Variants in FCHSD2 observed in about 807,000 individuals in gnomAD.
FCHSD2 encodes F-BAR and double SH3 domains protein 2.
Under a neutral mutation model 108.1 loss-of-function variants are expected in FCHSD2, and 38 were observed. The observed-to-expected ratio is 0.35, with a 90% CI of 0.27 to 0.46. The LOEUF (loss-of-function observed/expected upper bound fraction) is 0.46, where lower values mean the gene tolerates loss of function less well. Ranked by LOEUF, FCHSD2 falls within the 20% of genes least tolerant of loss-of-function variation. FCHSD2 has a pLI of 1.00. For missense variants in FCHSD2, 751 were observed against 897.8 expected (o/e 0.84, Z 2.09); for synonymous variants, 279 against 314.7 (o/e 0.89, Z 1.20).
intron 11 of FCHSD2, among the ~76,000 whole-genome samples, chr11:72,888,277 TG>T (rs1855240240): frequency 6.6e-6 from 1 of 152,144 alleles, no homozygotes; most frequent in Admixed American, 6.5e-5. Context: ...TTTTAAGACA[TG>T]GAATTGTTAA....
chr11:72,877,320 CCTTCAGGCCAG>C (rs1854991378), intron 12 of FCHSD2, among the ~76,000 whole-genome samples: 1 of 152,106 alleles, frequency 6.6e-6, no homozygotes, highest in Middle Eastern at 3.2e-3. Context: ...AGGACATCCA[CCTTCAGGCCAG>C]TAAGATGGAG....
intron 2 of FCHSD2, among the ~76,000 whole-genome samples, chr11:73,135,706 C>T (rs981738350): frequency 2.0e-5 from 3 of 152,182 alleles, no homozygotes; most frequent in African/African-American, 7.2e-5. Context: ...CCCTGATTAA[C>T]AACAAATTAG....
At chr11:73,049,479 C>T (rs1368687990) in intron 3 of FCHSD2, among the ~76,000 whole-genome samples, 1 of 137,944 alleles carries the variant, frequency 7.2e-6, no homozygotes, top group Admixed American at 8.4e-5. Context: ...ATGTAGACTA[C>T]TAGAAAGAGA....
chr11:72,869,647 G>A (rs555929156), intron 12 of FCHSD2: 2 of 152,246 alleles, frequency 1.3e-5, no homozygotes, highest in South Asian at 4.2e-4. Context: ...GCTGAAGTGA[G>A]CACATACTTG....
In FCHSD2 at chr11:73,141,920, A is replaced by C. The variant is rs1420048354; in HGVS notation, c.-43T>G. 1 of 1,538,328 alleles carries C rather than the reference A, an allele frequency of 6.5e-7. No individual in the cohort carries two copies. The highest frequency in any genetic ancestry group is 1.4e-5 in the African/African-American group (1 of 72,778). ...AATCCTCCCCGACGGCAGCGTTAGCAAGGACCAGGAGGAGGAGGAGGGCCG... is the reference window on the plus strand; with the variant it reads ...AATCCTCCCCGACGGCAGCGTTAGCCAGGACCAGGAGGAGGAGGAGGGCCG... On this transcript the variant is annotated 5_prime_UTR_variant, in exon 1 of 20. Transcript: ENST00000409418.
intron 12 of FCHSD2, among the ~76,000 whole-genome samples, chr11:72,887,056 G>A (rs543534344): frequency 3.6e-4 from 54 of 151,532 alleles, no homozygotes; most frequent in African/African-American, 1.3e-3. Context: ...CCATATGGGG[G>A]AGATTTCCTA....
chr11:73,134,341 A>G (rs1307308580), intron 2 of FCHSD2, among the ~76,000 whole-genome samples: 1 of 151,942 alleles, frequency 6.6e-6, no homozygotes, highest in Non-Finnish European at 1.5e-5. Flanking sequence ...ATGGTGGTGC[A>G]TGCCTGTGGT....
intron 14 of FCHSD2, among the ~76,000 whole-genome samples, chr11:72,845,494 AT>A (rs1163400796): frequency 2.0e-5 from 3 of 151,688 alleles, no homozygotes; most frequent in Admixed American, 2.0e-4. Flanking sequence ...ATGGAGGTCC[AT>A]GCAAGTTTTT....
chr11:72,898,600 T>A lies in FCHSD2; in HGVS notation c.924+3943A>T, dbSNP rs564369591. Among the ~76,000 whole-genome samples, 19 of 152,334 alleles carry A rather than the reference T, an allele frequency of 1.2e-4. No homozygotes were observed. The South Asian group carries it at 3.9e-3, about 32-fold the overall frequency. ...ATATATAAAACTCAAAAATAACACC[T>A]GGTTGCATCCCACTTTCATCATCAA... On this transcript the variant is annotated intron_variant, in intron 10 of 19. Transcript: ENST00000409418.
Position 73,127,576 on chromosome 11 carries a change from G to A in FCHSD2, c.119+12455C>T, listed in dbSNP as rs1860888282. On this transcript the variant is annotated intron_variant, in intron 2 of 19. Transcript: ENST00000409418. ...ATACCAACAACATAGAATGGCATCT[G>A]TGGGGCTCAAATGAACATCTGGAGA... Among the ~76,000 whole-genome samples the A allele has an allele frequency of 1.3e-5, 2 of 152,176 alleles. 1 individual carries two copies. The highest frequency in any genetic ancestry group is 4.1e-4 in the South Asian group (2 of 4,832).
chr11:72,880,229 C>T (rs1160037750), intron 12 of FCHSD2, among the ~76,000 whole-genome samples: 1 of 151,894 alleles, frequency 6.6e-6, no homozygotes, highest in African/African-American at 2.4e-5. Flanking sequence ...TGTGCAATTG[C>T]TATCAAAATC....
intron 9 of FCHSD2, among the ~76,000 whole-genome samples, chr11:72,906,921 C>A (rs140145919): frequency 0.013 from 2,000 of 152,198 alleles, 43 homozygotes; most frequent in African/African-American, 0.046. Context: ...TTTTTCGGTT[C>A]CATATGAACT....
chr11:72,875,895 C>T (rs1326439749), intron 12 of FCHSD2, among the ~76,000 whole-genome samples: 5 of 152,174 alleles, frequency 3.3e-5, no homozygotes, highest in Non-Finnish European at 7.3e-5. Flanking sequence ...TGGGGAAGTC[C>T]AGTTTAACCT....
In FCHSD2 at chr11:73,141,880, T is replaced by A; in HGVS notation, c.-3A>T. The A allele has an allele frequency of 6.5e-7, 1 of 1,545,078 alleles. No homozygotes were observed. Among genetic ancestry groups the A allele is most frequent in the Non-Finnish European group, 8.7e-7 (1 of 1,145,988 alleles). The stretch of plus-strand genomic sequence containing the variant: ...ACCTTCCTCGGCGGCGGCTGCATGA[T>A]GCTGAAGGGACATCAATCCTCCCCG... On this transcript the variant is annotated 5_prime_UTR_variant, in exon 1 of 20. Transcript: ENST00000409418.
intron 8 of FCHSD2, among the ~76,000 whole-genome samples, chr11:72,958,473 G>A (rs993512774): frequency 2.0e-5 from 3 of 152,132 alleles, no homozygotes; most frequent in Non-Finnish European, 2.9e-5. Context: ...AGCTGAGATC[G>A]CACCACTGCA....
At chr11:72,887,809 T>C (rs1855229720) in intron 11 of FCHSD2, among the ~76,000 whole-genome samples, 1 of 152,126 alleles carries the variant, frequency 6.6e-6, no homozygotes, top group Admixed American at 6.5e-5. Context: ...TGCCGCCACA[T>C]GAGAGACCCC....
Position 73,119,009 on chromosome 11 carries a change from T to C in FCHSD2, c.119+21022A>G, listed in dbSNP as rs956242833. Among the ~76,000 whole-genome samples, 6 of 152,168 alleles carry C rather than the reference T, an allele frequency of 3.9e-5. No homozygotes were observed. The East Asian group carries it at 9.6e-4, about 24-fold the overall frequency. The stretch of plus-strand genomic sequence containing the variant: ...TTAATTTTTGTTTGAAAAGAATGCA[T>C]ATTCTCTAAAGGCCAGGCGCGGTGA... On this transcript the variant is annotated intron_variant, in intron 2 of 19. Transcript: ENST00000409418.
At position 72,837,303 on chromosome 11, in the gene FCHSD2, G is replaced by T. The variant is rs1352350833; in HGVS notation, c.*1488C>A. ...GGGTATTGTCACTGAAGTGATCAAA[G>T]AACTAAAAATTTCTTCAGTTATCAC... On this transcript the variant is annotated 3_prime_UTR_variant, in exon 20 of 20. Coordinates refer to ENST00000409418, the MANE Select transcript of FCHSD2 (RefSeq NM_014824.3). 2 of 152,632 alleles carry T rather than the reference G, an allele frequency of 1.3e-5. No homozygotes were observed. Among genetic ancestry groups the T allele is most frequent in the East Asian group, 3.9e-4 (2 of 5,182 alleles). The allele number at this position is 152,632 out of a possible 1,614,324, so 9.5% of individuals were successfully genotyped here.
At chr11:72,873,934 CA>C (rs1259569377) in intron 12 of FCHSD2, among the ~76,000 whole-genome samples, 3 of 152,012 alleles carry the variant, frequency 2.0e-5, no homozygotes, top group African/African-American at 7.3e-5. Flanking sequence ...TGGAATGATC[CA>C]AAAAAGGATA....
Sources: gnomAD v4.1 joint callset for allele counts (sites outside exome capture counted in the v4.1 genomes callset) on GRCh38, gnomAD v4.1.1 for gene constraint, MANE v1.5 for transcripts, NCBI Gene and HGNC (gene_info 2026-07-23, HGNC 2026-07-21) for gene names.